The following TBC1D22A variants were observed in gnomAD, a reference collection of about 807,000 sequenced individuals.
The protein encoded by TBC1D22A is putative GTPase activator.
In TBC1D22A, 38 loss-of-function variants were observed where a neutral mutation model predicts 60.2. That is an observed-to-expected ratio of 0.63 (90% CI 0.49 to 0.83). TBC1D22A has a LOEUF of 0.83. Ranked by LOEUF, TBC1D22A falls within the 40% of genes least tolerant of loss-of-function variation. The pLI is 0.00. For synonymous variants in TBC1D22A, 302 were observed against 281.7 expected (o/e 1.07, Z -0.72); for missense variants, 628 against 701.0 (o/e 0.90, Z 1.18).
intron 12 of TBC1D22A, among the ~76,000 whole-genome samples, chr22:47,119,868 G>A (rs973004673): frequency 6.6e-6 from 1 of 152,190 alleles, no homozygotes; most frequent in Non-Finnish European, 1.5e-5. Context: ...AGATCAAGGC[G>A]TCGGCCTCTG....
intron 10 of TBC1D22A, among the ~76,000 whole-genome samples, chr22:47,027,063 GA>G (rs1277304149): frequency 2.0e-5 from 3 of 152,170 alleles, no homozygotes; most frequent in Non-Finnish European, 4.4e-5. Flanking sequence ...ATTGAGATAA[GA>G]AAAGAGATCA....
intron 11 of TBC1D22A, among the ~76,000 whole-genome samples, chr22:47,083,032 G>C (rs1569428345): frequency 1.3e-5 from 2 of 152,186 alleles, no homozygotes; most frequent in Non-Finnish European, 2.9e-5. Context: ...ATGAATCTCA[G>C]AAACATTTTA....
At position 46,893,057 on chromosome 22, in the gene TBC1D22A, T is replaced by C. The variant is rs552747642; in HGVS notation, c.837+1663T>C. On this transcript the variant is annotated intron_variant, in intron 6 of 12. Transcript: ENST00000337137. ...TTTACATCCACTTGGGCGTTTGACC[T>C]GTGGACTGAGCCCGACCAGCCGTCT... 6.7e-4 allele frequency among the ~76,000 whole-genome samples: 102 copies of C among 152,338 alleles called. 1 individual carries two copies. Among genetic ancestry groups the C allele is most frequent in the African/African-American group, 2.4e-3 (99 of 41,586 alleles).
intron 4 of TBC1D22A, among the ~76,000 whole-genome samples, chr22:46,842,523 C>T (rs2086814276): frequency 1.3e-5 from 2 of 152,224 alleles, no homozygotes; most frequent in South Asian, 4.1e-4. Context: ...TTGTAGATAT[C>T]AGTTCTCCCC....
chr22:47,172,733 A>G (rs1310469854), intron 12 of TBC1D22A, among the ~76,000 whole-genome samples: 1 of 152,214 alleles, frequency 6.6e-6, no homozygotes, highest in African/African-American at 2.4e-5. Flanking sequence ...GCAGAGGAGG[A>G]AGCTGGGCCT....
chr22:47,002,492 A>G (rs1239545338), intron 10 of TBC1D22A, among the ~76,000 whole-genome samples: 1 of 152,192 alleles, frequency 6.6e-6, no homozygotes, highest in African/African-American at 2.4e-5. Flanking sequence ...GATATTTGCT[A>G]CATTTTTTGA....
chr22:46,833,478 G>A (rs1239803448), intron 4 of TBC1D22A, among the ~76,000 whole-genome samples: 4 of 152,176 alleles, frequency 2.6e-5, no homozygotes, highest in East Asian at 3.9e-4. Context: ...TGAGTCCCAC[G>A]GCACATTCTT....
intron 4 of TBC1D22A, 83 bp from the exon 5 acceptor site, chr22:46,878,570 C>T: frequency 8.8e-7 from 1 of 1,136,202 alleles, no homozygotes; most frequent in Non-Finnish European, 1.3e-6. Flanking sequence ...CCTAATTAAA[C>T]AGGTGGAATG....
intron 4 of TBC1D22A, among the ~76,000 whole-genome samples, chr22:46,819,137 A>C (rs888432036): frequency 1.3e-5 from 2 of 152,168 alleles, no homozygotes; most frequent in South Asian, 4.1e-4. Context: ...TTTTGGGCTG[A>C]GCTGATGGGG....
intron 11 of TBC1D22A, among the ~76,000 whole-genome samples, chr22:47,052,883 C>T (rs1177016963): frequency 6.6e-6 from 1 of 152,228 alleles, no homozygotes; most frequent in Non-Finnish European, 1.5e-5. Context: ...ATGGCTGGCC[C>T]TCTGTGGTAC....
chr22:47,144,523 C>CT (rs1475174361), intron 12 of TBC1D22A, among the ~76,000 whole-genome samples: 3 of 152,262 alleles, frequency 2.0e-5, no homozygotes, highest in African/African-American at 7.2e-5. Context: ...CCTGTGCTTA[C>CT]TGAGCCCCTG....
At chr22:46,899,760 A>G (rs6009040) in intron 7 of TBC1D22A, among the ~76,000 whole-genome samples, 17,228 of 152,050 alleles carry the variant, frequency 0.11, 1,621 homozygotes, top group African/African-American at 0.26. Context: ...CACTTTAAAG[A>G]TGTGTCCCAG....
chr22:46,893,769 C>T (rs546861359), intron 6 of TBC1D22A, among the ~76,000 whole-genome samples: 6 of 152,382 alleles, frequency 3.9e-5, no homozygotes, highest in African/African-American at 1.4e-4. Flanking sequence ...CTGCCTCCTC[C>T]TCTTCCTCCT....
intron 11 of TBC1D22A, among the ~76,000 whole-genome samples, chr22:47,064,347 G>A (rs2063686404): frequency 6.6e-6 from 1 of 152,270 alleles, no homozygotes; most frequent in Non-Finnish European, 1.5e-5. Flanking sequence ...GCCACTTGTG[G>A]TTCAGCAAAC....
chr22:46,936,200 A>T (rs1177756262), intron 8 of TBC1D22A, among the ~76,000 whole-genome samples: 1 of 152,174 alleles, frequency 6.6e-6, no homozygotes, highest in Non-Finnish European at 1.5e-5. Flanking sequence ...TGATGGCTGT[A>T]GGGACTTGTT....
At chr22:46,862,954 A>G (rs1387992328) in intron 4 of TBC1D22A, among the ~76,000 whole-genome samples, 4 of 152,208 alleles carry the variant, frequency 2.6e-5, no homozygotes, top group Admixed American at 6.5e-5. Flanking sequence ...GCCTGTAGGT[A>G]GAGTGTCTCT....
intron 11 of TBC1D22A, among the ~76,000 whole-genome samples, chr22:47,102,593 C>G (rs557456594): frequency 6.6e-6 from 1 of 152,064 alleles, no homozygotes; most frequent in Admixed American, 6.5e-5. Flanking sequence ...GATAATTTAC[C>G]AAGTCATCCA....
chr22:46,912,015 A>G (rs1216010216), intron 7 of TBC1D22A, 59 bp from the exon 8 acceptor site: 7 of 1,160,882 alleles, frequency 6.0e-6, no homozygotes, highest in Non-Finnish European at 9.0e-6. Flanking sequence ...GAATGCTTTC[A>G]TTTTAAAGTT....
At chr22:46,931,815 G>T (rs1380791472) in intron 8 of TBC1D22A, among the ~76,000 whole-genome samples, 3 of 152,200 alleles carry the variant, frequency 2.0e-5, no homozygotes, top group Non-Finnish European at 4.4e-5. Flanking sequence ...CATTTTTCGT[G>T]TAGTTTTCTC....
Sources: allele counts gnomAD v4.1 joint callset (sites outside exome capture counted in the v4.1 genomes callset), GRCh38; gene constraint gnomAD v4.1.1; transcripts MANE v1.5; gene names NCBI Gene and HGNC (gene_info 2026-07-23, HGNC 2026-07-21).